The following FARS2 variants were observed in gnomAD, a reference collection of about 807,000 sequenced individuals.
FARS2 encodes the protein phenylalanyl-tRNA synthetase 2, mitochondrial, also known as phenylalanine--tRNA ligase, mitochondrial.
In FARS2, 40 loss-of-function variants were observed where a neutral mutation model predicts 46.4. The observed-to-expected ratio is 0.86, with a 90% CI of 0.67 to 1.12. FARS2 has a LOEUF of 1.12. Ranked by LOEUF, FARS2 falls within the 50% of genes most tolerant of loss-of-function variation. The pLI, the probability that FARS2 is intolerant of heterozygous loss-of-function variation, is 0.00. For missense variants in FARS2, 513 were observed against 567.9 expected (o/e 0.90, Z 0.98); for synonymous variants, 234 against 214.9 (o/e 1.09, Z -0.78).
chr6:5,272,911 T>A (rs141013913), intron 1 of FARS2, among the ~76,000 whole-genome samples: 3 of 152,326 alleles, frequency 2.0e-5, no homozygotes, highest in Non-Finnish European at 2.9e-5. Flanking sequence ...CATATGGTAT[T>A]TGTCTTTCTG....
intron 4 of FARS2, among the ~76,000 whole-genome samples, chr6:5,489,938 T>G (rs1767000027): frequency 6.6e-6 from 1 of 152,236 alleles, no homozygotes; most frequent in African/African-American, 2.4e-5. Flanking sequence ...TAAAAGTCTT[T>G]CATTTCATGT....
chr6:5,256,892 T>A (rs1021463940), upstream of FARS2, among the ~76,000 whole-genome samples: 2 of 152,192 alleles, frequency 1.3e-5, no homozygotes, highest in East Asian at 3.8e-4. Context: ...CTGGATGCCA[T>A]TCTAGACTCT....
At chr6:5,332,202 C>T (rs1770845530) in intron 1 of FARS2, among the ~76,000 whole-genome samples, 1 of 152,130 alleles carries the variant, frequency 6.6e-6, no homozygotes, top group East Asian at 1.9e-4. Flanking sequence ...GTGATAGACA[C>T]TGAGCACCCA....
At chr6:5,528,203 A>T (rs892490800) in intron 4 of FARS2, among the ~76,000 whole-genome samples, 1 of 148,650 alleles carries the variant, frequency 6.7e-6, no homozygotes, top group African/African-American at 2.5e-5. Context: ...ATTTGTATTT[A>T]AAAAAAAAAG....
chr6:5,660,834 T>C (rs1582693427), intron 6 of FARS2, among the ~76,000 whole-genome samples: 1 of 151,956 alleles, frequency 6.6e-6, no homozygotes, highest in Non-Finnish European at 1.5e-5. Context: ...GGGGACATGG[T>C]GTTGAGGCTG....
intron 1 of FARS2, among the ~76,000 whole-genome samples, chr6:5,305,946 G>C (rs1487493787): frequency 1.3e-5 from 2 of 152,140 alleles, no homozygotes; most frequent in Non-Finnish European, 2.9e-5. Flanking sequence ...CAAACTTACA[G>C]CTTTGCCTTA....
At chr6:5,339,424 A>C (rs1771395829) in intron 1 of FARS2, among the ~76,000 whole-genome samples, 1 of 151,968 alleles carries the variant, frequency 6.6e-6, no homozygotes, top group South Asian at 2.1e-4. Context: ...TTCACAAACC[A>C]GGAGACTTCT....
chr6:5,749,103 A>G (rs1378285606), intron 6 of FARS2, among the ~76,000 whole-genome samples: 2 of 152,214 alleles, frequency 1.3e-5, no homozygotes, highest in African/African-American at 4.8e-5. Context: ...GAGCTGGTCC[A>G]AAAGGGGGCT....
In FARS2 at chr6:5,682,350, A is replaced by G. The variant is rs185281419; in HGVS notation, c.1217+69030A>G. Among the ~76,000 whole-genome samples the G allele has an allele frequency of 6.7e-3, 1,016 of 152,370 alleles. 10 individuals are homozygous for G. Among genetic ancestry groups the G allele is most frequent in the African/African-American group, 0.023 (954 of 41,590 alleles). ...GATGAGAAATTTTTTAAATTCGGCA[A>G]TAAATATTGAAATTTCATCATATAC... On this transcript the variant is annotated intron_variant, in intron 6 of 6. Coordinates refer to ENST00000274680, the MANE Select transcript of FARS2 (RefSeq NM_006567.5).
At chr6:5,680,564 C>A (rs1232779565) in intron 6 of FARS2, among the ~76,000 whole-genome samples, 3 of 152,164 alleles carry the variant, frequency 2.0e-5, no homozygotes, top group Admixed American at 1.3e-4. Flanking sequence ...CCACATGAGG[C>A]GTATATGGAA....
At chr6:5,291,206 A>G (rs1388670954) in intron 1 of FARS2, 1 of 152,234 alleles carries the variant, frequency 6.6e-6, no homozygotes, top group Non-Finnish European at 1.5e-5. Flanking sequence ...GTTCCTAGTC[A>G]TTTTGATTAA....
chr6:5,612,427 C>T (rs1195517701), intron 5 of FARS2, among the ~76,000 whole-genome samples: 1 of 151,972 alleles, frequency 6.6e-6, no homozygotes, highest in Non-Finnish European at 1.5e-5. Flanking sequence ...ACACATATAT[C>T]TATGTATAAT....
the FARS2 span, among the ~76,000 whole-genome samples, chr6:5,254,836 G>T: frequency 3.3e-5 from 5 of 152,210 alleles, no homozygotes; most frequent in Non-Finnish European, 7.4e-5. Flanking sequence ...CACCTCTCGT[G>T]GGGTCCTGCT....
chr6:5,561,536 T>A lies in FARS2; in HGVS notation c.1065+16196T>A, dbSNP rs1436113837. On this transcript the variant is annotated intron_variant, in intron 5 of 6. Transcript: ENST00000274680. ...AAGTCTAATATTAATCAAAGTGTTG[T>A]TTCTTTGTAGATAATAATGCCTTTT... Among the ~76,000 whole-genome samples the A allele has an allele frequency of 2.0e-5, 3 of 152,292 alleles. No homozygotes were observed. In the East Asian group the frequency reaches 5.8e-4, roughly 29 times the overall value.
At chr6:5,341,160 T>G (rs1182543977) in intron 1 of FARS2, among the ~76,000 whole-genome samples, 2 of 133,552 alleles carry the variant, frequency 1.5e-5, no homozygotes, top group Non-Finnish European at 3.2e-5. Context: ...TGTTTCACTT[T>G]CATTTGCCTG....
chr6:5,690,598 T>C (rs1460345911), intron 6 of FARS2, among the ~76,000 whole-genome samples: 2 of 151,680 alleles, frequency 1.3e-5, no homozygotes, highest in African/African-American at 4.9e-5. Context: ...CCTTTGTGGG[T>C]AACCCGACCT....
At chr6:5,651,990 A>T (rs766075292) in intron 6 of FARS2, among the ~76,000 whole-genome samples, 1 of 152,114 alleles carries the variant, frequency 6.6e-6, no homozygotes, top group Non-Finnish European at 1.5e-5. Flanking sequence ...TTGCACAGAG[A>T]AGAAGTCATC....
chr6:5,758,568 T>C (rs1762327697), intron 6 of FARS2, among the ~76,000 whole-genome samples: 1 of 152,196 alleles, frequency 6.6e-6, no homozygotes, highest in Admixed American at 6.5e-5. Context: ...GAATCCAGTG[T>C]CTGACCTCCT....
intron 6 of FARS2, among the ~76,000 whole-genome samples, chr6:5,712,937 G>C (rs372498407): frequency 6.6e-6 from 1 of 152,346 alleles, no homozygotes; most frequent in East Asian, 1.9e-4. Flanking sequence ...TACAAAAAGC[G>C]TACCTGTAGA....
Sources: gnomAD v4.1 joint callset for allele counts (sites outside exome capture counted in the v4.1 genomes callset) on GRCh38, gnomAD v4.1.1 for gene constraint, MANE v1.5 for transcripts, NCBI Gene and HGNC (gene_info 2026-07-23, HGNC 2026-07-21) for gene names.